Variants in UST observed in about 807,000 individuals in gnomAD.
UST encodes the protein chondroitin sulfate 2-O-sulfotransferase.
Under a neutral mutation model 45.6 loss-of-function variants are expected in UST, and 21 were observed. The observed-to-expected ratio is 0.46, with a 90% CI of 0.33 to 0.66. The LOEUF (loss-of-function observed/expected upper bound fraction) is 0.66, where lower values mean the gene tolerates loss of function less well. UST is among the 30% of genes least tolerant of loss of function. The pLI is 0.02. For synonymous variants in UST, 215 were observed against 200.6 expected, an observed-to-expected ratio of 1.07 and a Z score of -0.61; for missense variants, 463 against 512.4, an observed-to-expected ratio of 0.90 and a Z score of 0.93.
intron 1 of UST, among the ~76,000 whole-genome samples, chr6:148,808,683 G>A (rs1777196726): frequency 6.6e-6 from 1 of 152,140 alleles, no homozygotes. Context: ...ATGTTCTAGT[G>A]TCTCCCCAAA....
intron 1 of UST, among the ~76,000 whole-genome samples, chr6:148,824,233 G>T (rs1777524750): frequency 6.6e-6 from 1 of 152,200 alleles, no homozygotes; most frequent in South Asian, 2.1e-4. Context: ...GGAGAAGTTA[G>T]GTGTTGAGGG....
At chr6:148,884,383 C>G (rs546979434) in intron 1 of UST, among the ~76,000 whole-genome samples, 1 of 152,028 alleles carries the variant, frequency 6.6e-6, no homozygotes, top group Non-Finnish European at 1.5e-5. Flanking sequence ...AAGAGAAAGA[C>G]GGTAAACAAG....
intron 1 of UST, among the ~76,000 whole-genome samples, chr6:148,820,666 C>T (rs1307127848): frequency 2.0e-5 from 3 of 151,688 alleles, no homozygotes; most frequent in East Asian, 2.0e-4. Context: ...CTGGCTAACA[C>T]GATGAAACCC....
chr6:149,059,590 A>G (rs1265996813), intron 7 of UST, among the ~76,000 whole-genome samples: 1 of 152,226 alleles, frequency 6.6e-6, no homozygotes, highest in Non-Finnish European at 1.5e-5. Context: ...TTCTAGAAGA[A>G]AGAGCCTGTG....
intron 2 of UST, among the ~76,000 whole-genome samples, chr6:148,917,591 A>C (rs912651028): frequency 2.0e-5 from 3 of 152,154 alleles, no homozygotes; most frequent in African/African-American, 7.2e-5. Context: ...CTGTGTCCCC[A>C]GTGACTCTAA....
At chr6:148,989,406 G>C (rs945967740) in intron 5 of UST, among the ~76,000 whole-genome samples, 2 of 152,134 alleles carry the variant, frequency 1.3e-5, no homozygotes, top group African/African-American at 4.8e-5. Flanking sequence ...AACTGCATTA[G>C]CATGTTACCA....
At chr6:148,878,163 C>T (rs1303134309) in intron 1 of UST, among the ~76,000 whole-genome samples, 12 of 29,760 alleles carry the variant, frequency 4.0e-4, no homozygotes, top group Non-Finnish European at 5.7e-4. Flanking sequence ...TGTGTGAGTG[C>T]GGGGGATTGT....
At chr6:148,949,984 G>A (rs569951205) in intron 3 of UST, among the ~76,000 whole-genome samples, 20 of 152,218 alleles carry the variant, frequency 1.3e-4, no homozygotes, top group South Asian at 4.1e-4. Context: ...ATACCATCAC[G>A]TATTTGGTTG....
chr6:148,856,678 A>T (rs1417878699), intron 1 of UST, among the ~76,000 whole-genome samples: 1 of 152,192 alleles, frequency 6.6e-6, no homozygotes, highest in African/African-American at 2.4e-5. Flanking sequence ...TCACGTGTTT[A>T]TGCGTGAGTT....
rs116343385 is a variant in UST, at chr6:149,020,139, C to T, written c.779+903C>T. On this transcript the variant is annotated intron_variant, in intron 6 of 7. Transcript: ENST00000367463. The stretch of plus-strand genomic sequence containing the variant: ...CTACACCGGCAACGCATTCATTGTA[C>T]CTTTTTGCTTATGCTATGATTTCTG... Among the ~76,000 whole-genome samples the T allele has an allele frequency of 3.4e-3, 518 of 152,298 alleles. 1 individual carries two copies. The highest frequency in any genetic ancestry group is 0.012 in the African/African-American group (503 of 41,552).
At chr6:148,963,901 C>T (rs755541101) in intron 4 of UST, among the ~76,000 whole-genome samples, 12 of 152,180 alleles carry the variant, frequency 7.9e-5, no homozygotes, top group Non-Finnish European at 1.5e-4. Flanking sequence ...GTTATTCACT[C>T]CCTTACTGCA....
At chr6:148,775,098 G>A (rs572043357) in intron 1 of UST, among the ~76,000 whole-genome samples, 2 of 152,256 alleles carry the variant, frequency 1.3e-5, no homozygotes, top group East Asian at 3.9e-4. Context: ...CCTCTAACAA[G>A]GGTTTCCCAA....
intron 5 of UST, among the ~76,000 whole-genome samples, chr6:148,969,206 A>C (rs999304228): frequency 3.3e-5 from 5 of 152,242 alleles, no homozygotes; most frequent in African/African-American, 1.2e-4. Context: ...TTTGAGCAAA[A>C]GAAACCTCAG....
intron 3 of UST, among the ~76,000 whole-genome samples, chr6:148,951,085 A>G (rs1286258672): frequency 6.6e-6 from 1 of 152,242 alleles, no homozygotes; most frequent in African/African-American, 2.4e-5. Context: ...GGACTTGGTC[A>G]GGCTTTAGTG....
chr6:148,861,185 G>A (rs188484997), intron 1 of UST, among the ~76,000 whole-genome samples: 264 of 152,280 alleles, frequency 1.7e-3, no homozygotes, highest in African/African-American at 6.2e-3. Context: ...TCTGTTATTG[G>A]TCTATTCAGG....
intron 1 of UST, among the ~76,000 whole-genome samples, chr6:148,775,266 A>G (rs1037074225): frequency 6.6e-6 from 1 of 152,062 alleles, no homozygotes; most frequent in Non-Finnish European, 1.5e-5. Context: ...TTCCTTTAGG[A>G]CAAAGAATAA....
In UST at chr6:148,946,570, GGGAGGCTGA is replaced by G. The variant is rs561032240; in HGVS notation, c.447+5139_447+5147del. Among the ~76,000 whole-genome samples the G allele has an allele frequency of 6.1e-3, 869 of 142,544 alleles. 9 individuals are homozygous for G. Among genetic ancestry groups the G allele is most frequent in the Middle Eastern group, 0.031 (7 of 228 alleles). The allele number at this position is 142,544 out of a possible 152,430, so 93.5% of individuals were successfully genotyped here. On this transcript the variant is annotated intron_variant, in intron 3 of 7. Coordinates refer to ENST00000367463, the MANE Select transcript of UST (RefSeq NM_005715.3). ...CTCATACCTGTAATCTCAGCACTTT[GGGAGGCTGA>G]GGCGGGCGGATCACGAGGTCAGGAG...
At chr6:148,754,561 G>A (rs1776059737) in intron 1 of UST, among the ~76,000 whole-genome samples, 1 of 152,152 alleles carries the variant, frequency 6.6e-6, no homozygotes, top group Non-Finnish European at 1.5e-5. Flanking sequence ...ATATGATGTT[G>A]AGTTTTCCAT....
At chr6:148,941,236 C>T in intron 2 of UST, 43 bp from the exon 3 acceptor site, 1 of 1,606,338 alleles carries the variant, frequency 6.2e-7, no homozygotes, top group South Asian at 1.1e-5. Flanking sequence ...CTAAGTATTT[C>T]CATACAGACG....
Sources: allele counts gnomAD v4.1 joint callset (sites outside exome capture counted in the v4.1 genomes callset), GRCh38; gene constraint gnomAD v4.1.1; transcripts MANE v1.5; gene names NCBI Gene and HGNC (gene_info 2026-07-23, HGNC 2026-07-21).